PARP12: variants seen among roughly 807,000 people sequenced by gnomAD.
The protein encoded by PARP12 is poly(ADP-ribose) polymerase family member 12.
Under a neutral mutation model 72.4 loss-of-function variants are expected in PARP12, and 59 were observed. The observed-to-expected ratio is 0.81, with a 90% CI of 0.66 to 1.01. The LOEUF (loss-of-function observed/expected upper bound fraction) is 1.01. Ranked by LOEUF, PARP12 falls within the 50% of genes least tolerant of loss-of-function variation. PARP12 has a pLI of 0.00. For synonymous variants in PARP12, 403 were observed against 371.4 expected (o/e 1.09, Z -0.98); for missense variants, 851 against 914.0 (o/e 0.93, Z 0.89).
At chr7:140,039,869 A>G (rs1361859321) in intron 6 of PARP12, among the ~76,000 whole-genome samples, 1 of 151,244 alleles carries the variant, frequency 6.6e-6, no homozygotes, top group Non-Finnish European at 1.5e-5. Context: ...CACGCGGTTC[A>G]TCCCCAGACA....
intron 1 of PARP12, among the ~76,000 whole-genome samples, chr7:140,061,703 T>A (rs1239799656): frequency 2.0e-5 from 3 of 152,064 alleles, no homozygotes; most frequent in Non-Finnish European, 4.4e-5. Context: ...CTTCCACACA[T>A]CCCACTGGCC....
intron 6 of PARP12, chr7:140,038,126 C>A: frequency 2.0e-6 from 2 of 985,388 alleles, no homozygotes; most frequent in Non-Finnish European, 1.2e-6. Context: ...GAGAGGAGGG[C>A]ACTCAAGTCA....
intron 2 of PARP12, chr7:140,057,593 G>C (rs1313524590): frequency 2.4e-6 from 1 of 415,508 alleles, no homozygotes; most frequent in Non-Finnish European, 4.3e-6. Flanking sequence ...AAGCATCTTA[G>C]AGAAGGCCAA....
At chr7:140,038,411 A>T (rs747438466) in intron 6 of PARP12, 2 of 685,312 alleles carry the variant, frequency 2.9e-6, no homozygotes, top group Non-Finnish European at 3.6e-6. Context: ...GTGAGTTTGA[A>T]TTCTGGCTCC....
chr7:140,041,731 G>A lies in PARP12; in HGVS notation c.1095C>T (p.Val365=), dbSNP rs374103442. ...QARRLSTASS[V]TKPPHFILTT... is the part of the protein sequence containing the mutation. ...TGAGGATGAAGTGTGGAGGTTTGGTGACAGAGGAGGCCGTGGAGAGGCGGC... is the reference window on the plus strand; with the variant it reads ...TGAGGATGAAGTGTGGAGGTTTGGTAACAGAGGAGGCCGTGGAGAGGCGGC... The change falls in exon 6 of 12, where the codon GTC becomes GTT. Residue 365 remains valine, a synonymous_variant. Coordinates refer to ENST00000263549, the MANE Select transcript of PARP12 (RefSeq NM_022750.4). The A allele has an allele frequency of 6.2e-7, 1 of 1,614,078 alleles. No homozygotes were observed. The highest frequency in any genetic ancestry group is 1.3e-5 in the African/African-American group (1 of 74,912).
intron 5 of PARP12, among the ~76,000 whole-genome samples, chr7:140,042,535 C>T (rs1350463705): frequency 6.6e-6 from 1 of 152,230 alleles, no homozygotes; most frequent in Non-Finnish European, 1.5e-5. Context: ...AGAGCCTGGG[C>T]TTTGGCCGCA....
At chr7:140,038,874 A>G (rs1488782916) in intron 6 of PARP12, among the ~76,000 whole-genome samples, 1 of 152,208 alleles carries the variant, frequency 6.6e-6, no homozygotes, top group Non-Finnish European at 1.5e-5. Context: ...GAAGGGGAAA[A>G]AAAAGTACCC....
chr7:140,042,339 G>C (rs751562365), intron 5 of PARP12, among the ~76,000 whole-genome samples: 1 of 152,246 alleles, frequency 6.6e-6, no homozygotes, highest in Non-Finnish European at 1.5e-5. Flanking sequence ...CAAACAGCTA[G>C]TCAGCGGGCG....
chr7:140,051,211 A>G (rs1017546669), intron 4 of PARP12, among the ~76,000 whole-genome samples: 2 of 152,214 alleles, frequency 1.3e-5, no homozygotes, highest in Non-Finnish European at 1.5e-5. Context: ...ATTAAAAGAT[A>G]AAAAATATAA....
At chr7:140,036,771 C>T (rs989611109) in intron 7 of PARP12, among the ~76,000 whole-genome samples, 3 of 151,838 alleles carry the variant, frequency 2.0e-5, no homozygotes, top group South Asian at 2.1e-4. Context: ...AAAGCTGGAC[C>T]GATACACTCA....
At chr7:140,059,734 C>G (rs1817361782) in intron 1 of PARP12, among the ~76,000 whole-genome samples, 1 of 152,226 alleles carries the variant, frequency 6.6e-6, no homozygotes, top group Middle Eastern at 3.2e-3. Flanking sequence ...TGCTCTCTTT[C>G]CCTCATCTAG....
intron 3 of PARP12, among the ~76,000 whole-genome samples, chr7:140,056,254 A>G (rs1268249066): frequency 6.6e-6 from 1 of 152,258 alleles, no homozygotes; most frequent in Non-Finnish European, 1.5e-5. Flanking sequence ...TTAAAAAATA[A>G]GTATCCTAGC....
chr7:140,035,878 GGAGGAA>G (rs1288519331), intron 7 of PARP12, among the ~76,000 whole-genome samples: 5 of 145,302 alleles, frequency 3.4e-5, no homozygotes, highest in South Asian at 2.3e-4. Flanking sequence ...AGGAAGAGGA[GGAGGAA>G]GAGGAAGAGG....
rs1816260716 is a variant in PARP12, at chr7:140,037,615, C to A, written c.1324+100G>T. ...CCTTGCTTTTCTTTCCTGTACCCACCCAGGCCCTCAGTATGTGCACACGGC... is the reference window on the plus strand; with the variant it reads ...CCTTGCTTTTCTTTCCTGTACCCACACAGGCCCTCAGTATGTGCACACGGC... On this transcript the variant is annotated intron_variant, in intron 7 of 11. Coordinates refer to ENST00000263549, the MANE Select transcript of PARP12 (RefSeq NM_022750.4). The A allele has an allele frequency of 2.0e-6, 3 of 1,529,092 alleles. No homozygotes were observed. In the South Asian group the frequency reaches 3.7e-5, roughly 19 times the overall value. 94.7% of individuals were successfully genotyped at this position (1,529,092 alleles called of 1,614,324 possible).
chr7:140,034,958 A>T (rs962861166), intron 7 of PARP12, among the ~76,000 whole-genome samples: 14 of 152,084 alleles, frequency 9.2e-5, no homozygotes, highest in Admixed American at 2.6e-4. Context: ...TTTTTTTAAG[A>T]GATGGGGTCT....
At chr7:140,058,511 AAAG>A (rs955704881) in intron 1 of PARP12, among the ~76,000 whole-genome samples, 6 of 151,816 alleles carry the variant, frequency 4.0e-5, no homozygotes, top group Non-Finnish European at 7.4e-5. Context: ...AAAAAAAAAA[AAAG>A]AAGAGATTGG....
intron 7 of PARP12, among the ~76,000 whole-genome samples, chr7:140,037,392 C>T (rs1321447560): frequency 1.3e-5 from 2 of 152,258 alleles, no homozygotes; most frequent in Non-Finnish European, 2.9e-5. Flanking sequence ...CGGAGCTGCT[C>T]GGACACCTGT....
At position 140,028,696 on chromosome 7, in the gene PARP12, A is replaced by AATGTAAAC. The variant is rs1815826844; in HGVS notation, c.1422-16_1422-9dup. The AATGTAAAC allele has an allele frequency of 1.3e-6, 2 of 1,592,868 alleles. No individual in the cohort carries two copies. ...CCTGGAAACTTGGTATTGCTACAAA[A>AATGTAAAC]ATGTAAACAAAAACACGTAGACATT... On this transcript the variant is annotated splice_polypyrimidine_tract_variant and intron_variant, in intron 8 of 11. Transcript: ENST00000263549.
intron 2 of PARP12, 113 bp from the exon 3 acceptor site, chr7:140,057,266 T>C (rs541168239): frequency 6.9e-6 from 7 of 1,020,544 alleles, no homozygotes; most frequent in Admixed American, 2.3e-5. Context: ...GATTCCATCA[T>C]CCACACAGAA....
Sources: allele counts gnomAD v4.1 joint callset (sites outside exome capture counted in the v4.1 genomes callset), GRCh38; gene constraint gnomAD v4.1.1; transcripts MANE v1.5; gene names NCBI Gene and HGNC (gene_info 2026-07-23, HGNC 2026-07-21).